LHFPL2: variants seen among roughly 807,000 people sequenced by gnomAD.
LHFPL2 encodes the protein LHFPL tetraspan subfamily member 2.
A neutral mutation model predicts 17.5 loss-of-function variants in LHFPL2; 7 were observed. That is an observed-to-expected ratio of 0.40 (90% confidence interval 0.23 to 0.75). The LOEUF (loss-of-function observed/expected upper bound fraction) is 0.75, where lower values mean the gene tolerates loss of function less well. LHFPL2 is among the 30% of genes least tolerant of loss of function. The pLI is 0.37. For missense variants in LHFPL2, 241 were observed against 294.8 expected, an observed-to-expected ratio of 0.82 and a Z score of 1.34; for synonymous variants, 134 against 116.2, an observed-to-expected ratio of 1.15 and a Z score of -0.99.
At chr5:78,628,639 G>T (rs1363997403) in intron 2 of LHFPL2, among the ~76,000 whole-genome samples, 1 of 152,112 alleles carries the variant, frequency 6.6e-6, no homozygotes, top group Non-Finnish European at 1.5e-5. Flanking sequence ...TAAAACACAG[G>T]CCCACTCAAA....
intron 2 of LHFPL2, among the ~76,000 whole-genome samples, chr5:78,621,346 G>T (rs1408327005): frequency 2.0e-5 from 3 of 151,834 alleles, no homozygotes; most frequent in East Asian, 1.9e-4. Flanking sequence ...CAATGACACA[G>T]ACAGGGTGTA....
intron 3 of LHFPL2, among the ~76,000 whole-genome samples, chr5:78,555,719 GGA>G (rs1000616617): frequency 2.0e-5 from 3 of 152,256 alleles, no homozygotes; most frequent in African/African-American, 7.2e-5. Context: ...TGCACCTGGA[GGA>G]GAGGGTCTGG....
intron 1 of LHFPL2, chr5:78,644,490 T>C: frequency 1.6e-6 from 1 of 611,174 alleles, no homozygotes; most frequent in East Asian, 2.9e-5. Flanking sequence ...TCACCAATGG[T>C]AGGCCGGGAT....
At chr5:78,609,475 AAG>A (rs1247304259) in intron 2 of LHFPL2, among the ~76,000 whole-genome samples, 3 of 144,088 alleles carry the variant, frequency 2.1e-5, no homozygotes, top group African/African-American at 8.6e-5. Context: ...AAAAAAAAAA[AAG>A]AGAGAGAGCT....
chr5:78,507,942 ACACAC>A (rs1561311190), intron 4 of LHFPL2, among the ~76,000 whole-genome samples: 145 of 3,224 alleles, frequency 0.045, 1 homozygote, highest in African/African-American at 0.13. Flanking sequence ...ACACATGCAT[ACACAC>A]ACACACACAC....
At chr5:78,490,746 C>CAAAAAAAAAAAAAAAAAAAAAAAAAAAAA (rs370809060) in intron 4 of LHFPL2, among the ~76,000 whole-genome samples, 1 of 92,176 alleles carries the variant, frequency 1.1e-5, no homozygotes, top group Non-Finnish European at 2.0e-5. Flanking sequence ...GACTCCCTCT[C>CAAAAAAAAAAAAAAAAAAAAAAAAAAAAA]AAAAAAAAAA....
At chr5:78,501,052 G>A (rs1299374066) in intron 4 of LHFPL2, among the ~76,000 whole-genome samples, 1 of 152,170 alleles carries the variant, frequency 6.6e-6, no homozygotes, top group Non-Finnish European at 1.5e-5. Flanking sequence ...CTGAACACTA[G>A]AGGTATAACT....
At chr5:78,630,803 C>T (rs1417283582) in intron 2 of LHFPL2, among the ~76,000 whole-genome samples, 1 of 152,192 alleles carries the variant, frequency 6.6e-6, no homozygotes, top group Non-Finnish European at 1.5e-5. Context: ...AGTGTTAACG[C>T]AAAAGCAGAA....
intron 4 of LHFPL2, 45 bp downstream of exon 4, chr5:78,509,739 T>TCTCCATCC (rs1250852348): frequency 6.4e-6 from 10 of 1,572,430 alleles, no homozygotes; most frequent in Admixed American, 1.7e-5. Context: ...CACCGGCAGC[T>TCTCCATCC]CTCCATCCCT....
chr5:78,548,898 T>TTA (rs1756360527), intron 3 of LHFPL2: 2 of 152,244 alleles, frequency 1.3e-5, no homozygotes, highest in Non-Finnish European at 2.9e-5. Context: ...AAGTATCAGA[T>TTA]TAGATAAGAA....
chr5:78,541,591 G>A (rs1756115756), intron 3 of LHFPL2, among the ~76,000 whole-genome samples: 1 of 152,178 alleles, frequency 6.6e-6, no homozygotes. Flanking sequence ...GAAGGAGGTG[G>A]GGGTCCCTTT....
At position 78,615,388 on chromosome 5, in the gene LHFPL2, A is replaced by G. The variant is rs988570483; in HGVS notation, c.-245+16876T>C. On this transcript the variant is annotated intron_variant, in intron 2 of 4. Transcript: ENST00000380345. ...CTGGGAAGATACATAACAGCATAAC[A>G]TATTTCTTCCCTCTTCCTACATCAA... Among the ~76,000 whole-genome samples, 4 of 152,246 alleles carry G rather than the reference A, an allele frequency of 2.6e-5. No individual in the cohort carries two copies. In the East Asian group the frequency reaches 7.7e-4, roughly 29 times the overall value.
At chr5:78,640,075 T>C (rs1745615126) in intron 1 of LHFPL2, among the ~76,000 whole-genome samples, 1 of 151,932 alleles carries the variant, frequency 6.6e-6, no homozygotes, top group Admixed American at 6.6e-5. Flanking sequence ...AACAATAGAA[T>C]CAGGAGAGGA....
At chr5:78,596,533 G>A (rs532598413) in intron 2 of LHFPL2, among the ~76,000 whole-genome samples, 2 of 152,286 alleles carry the variant, frequency 1.3e-5, no homozygotes, top group Admixed American at 1.3e-4. Context: ...ATGTGATAAA[G>A]AGAAACCTAG....
intron 3 of LHFPL2, among the ~76,000 whole-genome samples, chr5:78,550,954 A>T (rs1756423307): frequency 6.6e-6 from 1 of 152,236 alleles, no homozygotes; most frequent in Admixed American, 6.5e-5. Context: ...CTGCTGAAAC[A>T]GCTTCTTAGA....
chr5:78,526,361 A>G (rs77697083), intron 3 of LHFPL2, among the ~76,000 whole-genome samples: 2,417 of 152,306 alleles, frequency 0.016, 70 homozygotes, highest in African/African-American at 0.054. Flanking sequence ...TTGACTTTCT[A>G]TCTGACTCAT....
At chr5:78,518,044 GC>G (rs1325293610) in intron 3 of LHFPL2, among the ~76,000 whole-genome samples, 1 of 152,194 alleles carries the variant, frequency 6.6e-6, no homozygotes, top group African/African-American at 2.4e-5. Context: ...GATGCCATAA[GC>G]CGGGGCCATA....
chr5:78,543,296 T>G (rs974171264), intron 3 of LHFPL2, among the ~76,000 whole-genome samples: 3 of 152,188 alleles, frequency 2.0e-5, no homozygotes, highest in African/African-American at 7.2e-5. Context: ...AGCCATTCTC[T>G]TTCTTCTGCC....
chr5:78,578,012 A>G lies in LHFPL2; in HGVS notation c.-244-13141T>C, dbSNP rs116721035. Among the ~76,000 whole-genome samples, 536 of 152,300 alleles carry G rather than the reference A, an allele frequency of 3.5e-3. 5 individuals carry two copies. Among genetic ancestry groups the G allele is most frequent in the African/African-American group, 0.012 (515 of 41,554 alleles). ...TGAAAACTCTGTTTTTAATTCTTTG[A>G]ACTCTTCTCTTTCTCTTTCCTTGTC... On this transcript the variant is annotated intron_variant, in intron 2 of 4. Coordinates refer to ENST00000380345, the MANE Select transcript of LHFPL2 (RefSeq NM_005779.3).
Sources: allele counts gnomAD v4.1 joint callset (sites outside exome capture counted in the v4.1 genomes callset), GRCh38; gene constraint gnomAD v4.1.1; transcripts MANE v1.5; gene names NCBI Gene and HGNC (gene_info 2026-07-23, HGNC 2026-07-21).